The following DLGAP2 variants were observed in gnomAD, a reference collection of about 807,000 sequenced individuals.
DLGAP2 encodes the protein disks large-associated protein 2.
In DLGAP2, 26 loss-of-function variants were observed where a neutral mutation model predicts 100.3. That is an observed-to-expected ratio of 0.26 (90% CI 0.19 to 0.36). The LOEUF is 0.36. DLGAP2 is among the 10% of genes least tolerant of loss of function. The pLI is 1.00. For missense variants in DLGAP2, 1,858 were observed against 1,453.2 expected (o/e 1.28, Z -4.53); for synonymous variants, 886 against 630.1 (o/e 1.41, Z -6.08).
intron 3 of DLGAP2, among the ~76,000 whole-genome samples, chr8:1,265,160 G>T (rs1409554270): frequency 6.6e-6 from 1 of 152,118 alleles, no homozygotes; most frequent in South Asian, 2.1e-4. Context: ...CAAAGCCCTA[G>T]AAGTAATAGA....
chr8:762,558 C>G (rs540959680), intron 1 of DLGAP2, among the ~76,000 whole-genome samples: 1 of 152,092 alleles, frequency 6.6e-6, no homozygotes, highest in East Asian at 1.9e-4. Flanking sequence ...AGGGGTCACC[C>G]CCTGCTTTGC....
At chr8:1,339,782 A>G (rs1801377744) in intron 3 of DLGAP2, among the ~76,000 whole-genome samples, 1 of 152,190 alleles carries the variant, frequency 6.6e-6, no homozygotes, top group Non-Finnish European at 1.5e-5. Flanking sequence ...CAGATACTCC[A>G]AATAGCATGG....
At chr8:1,053,870 C>G (rs1802794747) in intron 2 of DLGAP2, among the ~76,000 whole-genome samples, 1 of 152,118 alleles carries the variant, frequency 6.6e-6, no homozygotes, top group Non-Finnish European at 1.5e-5. Flanking sequence ...TTATGGTAAC[C>G]TTTTCTGCAG....
chr8:757,057 G>A (rs1325157047), intron 1 of DLGAP2, among the ~76,000 whole-genome samples: 1 of 152,086 alleles, frequency 6.6e-6, no homozygotes, highest in African/African-American at 2.4e-5. Flanking sequence ...CCTGTTTCCC[G>A]CCATGGGGCC....
intron 12 of DLGAP2, among the ~76,000 whole-genome samples, chr8:1,681,646 A>AAAAG (rs948743668): frequency 6.6e-6 from 1 of 152,138 alleles, no homozygotes; most frequent in Non-Finnish European, 1.5e-5. Context: ...CCTGTCTCAA[A>AAAAG]AAAGAAAGAA....
chr8:806,625 G>C (rs1231075207), intron 1 of DLGAP2, among the ~76,000 whole-genome samples: 1 of 152,148 alleles, frequency 6.6e-6, no homozygotes, highest in African/African-American at 2.4e-5. Context: ...GCTGCTCCTG[G>C]GGTCCCTGCT....
intron 2 of DLGAP2, among the ~76,000 whole-genome samples, chr8:954,393 A>G (rs754766620): frequency 2.9e-4 from 44 of 152,182 alleles, no homozygotes; most frequent in Non-Finnish European, 5.9e-4. Flanking sequence ...CTCTTATACA[A>G]GTGACCAAGA....
intron 6 of DLGAP2, among the ~76,000 whole-genome samples, chr8:1,591,538 C>CCCCCT: frequency 7.8e-6 from 1 of 128,004 alleles, no homozygotes; most frequent in African/African-American, 2.9e-5. Flanking sequence ...ACCCCCTCCT[C>CCCCCT]CCACTCCACC....
At chr8:1,238,577 C>G (rs1301560589) in intron 2 of DLGAP2, among the ~76,000 whole-genome samples, 1 of 75,752 alleles carries the variant, frequency 1.3e-5, no homozygotes, top group Non-Finnish European at 2.7e-5. Flanking sequence ...CCCATGGCGC[C>G]GTGTCTAGTT....
intron 2 of DLGAP2, among the ~76,000 whole-genome samples, chr8:1,007,639 G>GT (rs1351753861): frequency 6.7e-6 from 1 of 148,594 alleles, no homozygotes; most frequent in Non-Finnish European, 1.5e-5. Flanking sequence ...TTTTTTTGGG[G>GT]GGGGGATCTT....
At chr8:1,300,714 T>G (rs1416515992) in intron 3 of DLGAP2, 1 of 152,176 alleles carries the variant, frequency 6.6e-6, no homozygotes, top group Non-Finnish European at 1.5e-5. Flanking sequence ...GTGGCATCCC[T>G]CGTGTTTTCT....
intron 2 of DLGAP2, among the ~76,000 whole-genome samples, chr8:998,246 C>G (rs538501719): frequency 6.6e-6 from 1 of 152,354 alleles, no homozygotes; most frequent in East Asian, 1.9e-4. Flanking sequence ...ACTGCTCCAT[C>G]TGTGTCATGT....
At chr8:1,600,472 A>G (rs1796590531) in intron 6 of DLGAP2, among the ~76,000 whole-genome samples, 1 of 152,160 alleles carries the variant, frequency 6.6e-6, no homozygotes, top group South Asian at 2.1e-4. Context: ...AGTGTTTTCC[A>G]GCTTGGTTCC....
At chr8:1,423,237 G>T (rs946644476) in intron 3 of DLGAP2, among the ~76,000 whole-genome samples, 1 of 152,060 alleles carries the variant, frequency 6.6e-6, no homozygotes, top group Non-Finnish European at 1.5e-5. Context: ...CAGGTGTGTA[G>T]AGCTCAGAAC....
intron 2 of DLGAP2, among the ~76,000 whole-genome samples, chr8:946,333 G>A (rs1330750951): frequency 6.6e-6 from 1 of 151,408 alleles, no homozygotes; most frequent in African/African-American, 2.4e-5. Context: ...GTGCGATCTG[G>A]GCTCATTGCA....
chr8:1,386,544 C>A (rs1377371899), intron 3 of DLGAP2, among the ~76,000 whole-genome samples: 3 of 152,198 alleles, frequency 2.0e-5, no homozygotes, highest in Non-Finnish European at 2.9e-5. Flanking sequence ...AGGCACACCA[C>A]CGGCCAGATG....
intron 2 of DLGAP2, among the ~76,000 whole-genome samples, chr8:1,168,541 T>TG (rs1428467654): frequency 1.4e-4 from 21 of 147,270 alleles, no homozygotes; most frequent in African/African-American, 4.5e-4. Flanking sequence ...CTCCAGCACC[T>TG]GTTGTTTCCT....
intron 4 of DLGAP2, among the ~76,000 whole-genome samples, chr8:1,512,278 A>T (rs571927383): frequency 6.6e-6 from 1 of 152,350 alleles, no homozygotes; most frequent in East Asian, 1.9e-4. Flanking sequence ...CCATAAACTT[A>T]AAAATAACCC....
At chr8:811,518 C>T (rs1796369591) in intron 1 of DLGAP2, among the ~76,000 whole-genome samples, 1 of 147,410 alleles carries the variant, frequency 6.8e-6, no homozygotes, top group Non-Finnish European at 1.5e-5. Flanking sequence ...AGGCCACCAG[C>T]TTTCGGATGA....
Sources: gnomAD v4.1 joint callset for allele counts (sites outside exome capture counted in the v4.1 genomes callset) on GRCh38, gnomAD v4.1.1 for gene constraint, MANE v1.5 for transcripts, NCBI Gene and HGNC (gene_info 2026-07-23, HGNC 2026-07-21) for gene names.